Variants in SPG11 observed in about 807,000 individuals in gnomAD.
The protein encoded by SPG11 is SPG11 vesicle trafficking associated, spatacsin, also known as spatacsin.
A neutral mutation model predicts 274.0 loss-of-function variants in SPG11; 222 were observed. That is an observed-to-expected ratio of 0.81 (90% CI 0.73 to 0.91). SPG11 has a LOEUF of 0.91. Ranked by LOEUF, SPG11 falls within the 40% of genes least tolerant of loss-of-function variation. The pLI is 0.00. For missense variants in SPG11, 3,114 were observed against 2,872.7 expected, an observed-to-expected ratio of 1.08 and a Z score of -1.92; for synonymous variants, 1,144 against 1,039.7, an observed-to-expected ratio of 1.10 and a Z score of -1.93.
At chr15:44,590,988 A>C (rs2082886212) in intron 27 of SPG11, 1 of 152,176 alleles carries the variant, frequency 6.6e-6, no homozygotes, top group Non-Finnish European at 1.5e-5. Context: ...TAAATTAAGG[A>C]ATGGTTTATA....
Position 44,585,688 on chromosome 15 carries a change from C to CT in SPG11, c.5068dup (p.Arg1690LysfsTer8). ...TAACTCAGCTAATTCTGCTACCCTC[C>CT]TGGCCAAAGCGAATTGTCCATCTGT... On this transcript the variant is annotated frameshift_variant, in exon 29 of 40. Transcript: ENST00000261866. LOFTEE classifies it high-confidence loss of function. The CT allele has an allele frequency of 6.2e-7, 1 of 1,613,486 alleles. No homozygotes were observed. Among genetic ancestry groups the CT allele is most frequent in the Non-Finnish European group, 8.5e-7 (1 of 1,179,752 alleles).
chr15:44,604,448 AT>A (rs1241643250), intron 20 of SPG11, among the ~76,000 whole-genome samples: 12 of 152,282 alleles, frequency 7.9e-5, no homozygotes, highest in Non-Finnish European at 1.5e-4. Flanking sequence ...TAAGACCATA[AT>A]TTTTTAGCAC....
chr15:44,648,114 T>C (rs1247474985), intron 7 of SPG11, among the ~76,000 whole-genome samples: 5 of 152,210 alleles, frequency 3.3e-5, no homozygotes, highest in African/African-American at 1.2e-4. Context: ...ATCTGTCTCA[T>C]ATGGTTGTTT....
At chr15:44,633,800 A>T (rs571409013) in intron 7 of SPG11, among the ~76,000 whole-genome samples, 163 bp from the exon 8 acceptor site, 1 of 152,104 alleles carries the variant, frequency 6.6e-6, no homozygotes, top group East Asian at 1.9e-4. Flanking sequence ...ACAATGACTG[A>T]TTATGCAATC....
At chr15:44,611,669 T>C (rs908128944) in intron 17 of SPG11, among the ~76,000 whole-genome samples, 8 of 152,146 alleles carry the variant, frequency 5.3e-5, no homozygotes, top group African/African-American at 1.4e-4. Context: ...CAGTTTTATA[T>C]TGAAATATAT....
intron 39 of SPG11, among the ~76,000 whole-genome samples, chr15:44,564,281 C>A (rs999724070): frequency 6.6e-6 from 1 of 152,252 alleles, no homozygotes; most frequent in Admixed American, 6.5e-5. Flanking sequence ...GCATGAGCCA[C>A]TGGGCCTGGC....
intron 25 of SPG11, 31 bp from the exon 26 acceptor site, chr15:44,595,490 G>C (rs1374902015): frequency 1.2e-6 from 2 of 1,604,598 alleles, no homozygotes; most frequent in Non-Finnish European, 1.7e-6. Flanking sequence ...TAACAACTAG[G>C]CCTGGATTAC....
chr15:44,624,500 G>A (rs915772171), intron 11 of SPG11, among the ~76,000 whole-genome samples: 2 of 152,124 alleles, frequency 1.3e-5, no homozygotes, highest in Non-Finnish European at 2.9e-5. Flanking sequence ...AATAGAGAGT[G>A]GAATGATATT....
intron 6 of SPG11, 150 bp from the exon 7 acceptor site, chr15:44,649,161 CTCA>C: frequency 1.4e-6 from 1 of 707,330 alleles, no homozygotes; most frequent in Non-Finnish European, 2.3e-6. Flanking sequence ...ATGATCTTAA[CTCA>C]TCATGGTTTT....
In SPG11 at chr15:44,607,210, A is replaced by G. The variant is rs558630275; in HGVS notation, c.3454-1119T>C. ...AACAAGCAGTATACAAGTGCTGACCACACTTTTAAGTAGCACCAGTCAATA... is the reference window on the plus strand; with the variant it reads ...AACAAGCAGTATACAAGTGCTGACCGCACTTTTAAGTAGCACCAGTCAATA... On this transcript the variant is annotated intron_variant, in intron 19 of 39. Transcript: ENST00000261866. 5.9e-5 allele frequency among the ~76,000 whole-genome samples: 9 copies of G among 152,354 alleles called. No homozygotes were observed. The South Asian group carries it at 1.9e-3, about 32-fold the overall frequency.
chr15:44,593,130 T>C (rs1250860117), intron 26 of SPG11, among the ~76,000 whole-genome samples: 2 of 152,254 alleles, frequency 1.3e-5, no homozygotes, highest in East Asian at 3.8e-4. Flanking sequence ...GTCTACTCTA[T>C]ACTTGGCCTA....
intron 7 of SPG11, among the ~76,000 whole-genome samples, chr15:44,639,002 A>AAAT (rs1555458324): frequency 2.6e-5 from 4 of 152,018 alleles, no homozygotes; most frequent in Non-Finnish European, 5.9e-5. Context: ...TCCAAAAAAA[A>AAAT]AATAATAATA....
intron 8 of SPG11, 71 bp from the exon 9 acceptor site, chr15:44,629,459 T>C: frequency 6.8e-7 from 1 of 1,469,810 alleles, no homozygotes; most frequent in Admixed American, 1.8e-5. Flanking sequence ...ATATCAAAAA[T>C]ATCATGTTAC....
chr15:44,630,655 C>A (rs2084035161), intron 8 of SPG11, among the ~76,000 whole-genome samples: 1 of 152,154 alleles, frequency 6.6e-6, no homozygotes, highest in South Asian at 2.1e-4. Context: ...TCTCGGGTCA[C>A]TGCAACCTCC....
Position 44,622,783 on chromosome 15 carries a change from C to T in SPG11, c.2261G>A (p.Gly754Asp). The change falls in exon 12 of 40, where the codon GGC becomes GAC. Residue 754 changes from glycine to aspartate, a missense_variant. Physicochemically the swap from Gly to Asp is moderately conservative, Grantham distance 94 (BLOSUM62 -1). Transcript: ENST00000261866. ...LLKNMGFDVK[G>D]QLLKICFYTT... The stretch of plus-strand genomic sequence containing the variant: ...ATAGAAGCAGATCTTGAGCAATTGG[C>T]CTTTTACATCAAACCCCTAAAATAA... 6.2e-7 allele frequency: 1 copy of T among 1,613,572 alleles called. No homozygotes were observed.
At chr15:44,634,370 G>A (rs963304147) in intron 7 of SPG11, among the ~76,000 whole-genome samples, 20 of 151,708 alleles carry the variant, frequency 1.3e-4, no homozygotes, top group African/African-American at 4.6e-4. Context: ...TGCCTGCCCA[G>A]CTTAAGTGAT....
chr15:44,574,653 A>G (rs1211768775), intron 31 of SPG11, among the ~76,000 whole-genome samples: 2 of 152,170 alleles, frequency 1.3e-5, no homozygotes, highest in Non-Finnish European at 2.9e-5. Context: ...ATGACGAAAC[A>G]GGGGCCCACA....
rs570593669 is a variant in SPG11, at chr15:44,573,865, C to T, written c.6007-120G>A. On this transcript the variant is annotated intron_variant, in intron 31 of 39. Coordinates refer to ENST00000261866, the MANE Select transcript of SPG11 (RefSeq NM_025137.4). ...TATTCTGAGCTTACAGACTCCTCAC[C>T]CTCAGCAGGAACCTTAGAAAAAGCA... 2.4e-4 allele frequency: 213 copies of T among 906,356 alleles called. No homozygotes were observed. The African/African-American group carries it at 3.3e-3, about 14-fold the overall frequency. The allele number at this position is 906,356 out of a possible 1,614,324, so 56.1% of individuals were successfully genotyped here.
chr15:44,642,963 A>C (rs1479040552), intron 7 of SPG11, among the ~76,000 whole-genome samples: 2 of 152,226 alleles, frequency 1.3e-5, no homozygotes, highest in East Asian at 3.8e-4. Flanking sequence ...ATACACATTC[A>C]AAGATATCCA....
Sources: allele counts gnomAD v4.1 joint callset (sites outside exome capture counted in the v4.1 genomes callset), GRCh38; gene constraint gnomAD v4.1.1; transcripts MANE v1.5; gene names NCBI Gene and HGNC (gene_info 2026-07-23, HGNC 2026-07-21).